The following EP400 variants were observed in gnomAD, a reference collection of about 807,000 sequenced individuals.
The protein encoded by EP400 is E1A-binding protein p400.
Under a neutral mutation model 354.1 loss-of-function variants are expected in EP400, and 105 were observed. The ratio of observed to expected loss-of-function variants is 0.30; its 90% confidence interval spans 0.25 to 0.35. The LOEUF (loss-of-function observed/expected upper bound fraction) is 0.35, where lower values mean the gene tolerates loss of function less well. Among genes scored for constraint, EP400 ranks in the 10% least tolerant of loss-of-function variants. The pLI is 1.00. For synonymous variants in EP400, 1,646 were observed against 1,716.9 expected (o/e 0.96, Z 1.02); for missense variants, 3,280 against 4,121.0 (o/e 0.80, Z 5.59).
At position 132,045,571 on chromosome 12, in the gene EP400, G is replaced by A. The variant is rs373780820; in HGVS notation, c.7026+11G>A. 1.7e-5 allele frequency: 28 copies of A among 1,613,074 alleles called. No homozygotes were observed. The highest frequency in any genetic ancestry group is 5.3e-5 in the African/African-American group (4 of 74,908). The stretch of plus-strand genomic sequence containing the variant: ...TGGGCGCTGCTGCAGGTAGGTGGGC[G>A]TGGTCTTTGTGCCAGCGGTCATGTG... On this transcript the variant is annotated intron_variant, in intron 38 of 52. Coordinates refer to ENST00000389561, the MANE Select transcript of EP400 (RefSeq NM_015409.5).
At chr12:132,076,426 C>A in intron 51 of EP400, 90 bp from the exon 52 acceptor site, 1 of 1,295,188 alleles carries the variant, frequency 7.7e-7, no homozygotes, top group Non-Finnish European at 1.1e-6. Flanking sequence ...GTGTTTTTTG[C>A]ATTAACTGAG....
intron 1 of EP400, among the ~76,000 whole-genome samples, chr12:131,950,739 C>T (rs76577176): frequency 0.014 from 2,178 of 152,294 alleles, 43 homozygotes; most frequent in African/African-American, 0.047. Flanking sequence ...AGAAAAGTAA[C>T]GTATCCCAGT....
Position 132,080,164 on chromosome 12 carries a change from A to C in EP400, c.*2491A>C, listed in dbSNP as rs1896338021. On this transcript the variant is annotated 3_prime_UTR_variant, in exon 53 of 53. Coordinates refer to ENST00000389561, the MANE Select transcript of EP400 (RefSeq NM_015409.5). ...TTAAAGAAAGACGTTTATTCTGATGATAAAAACAGTTAGCCAGACTGTTTT... is the reference window on the plus strand; with the variant it reads ...TTAAAGAAAGACGTTTATTCTGATGCTAAAAACAGTTAGCCAGACTGTTTT... 1 of 152,312 alleles carries C rather than the reference A, an allele frequency of 6.6e-6. No homozygotes were observed. The highest frequency in any genetic ancestry group is 2.1e-4 in the South Asian group (1 of 4,830). The allele number at this position is 152,312 out of a possible 1,614,324, so 9.4% of individuals were successfully genotyped here. A position where few individuals can be genotyped will look rare whatever the true frequency, so the allele number is the denominator to read the frequency against.
chr12:131,989,837 C>A, intron 7 of EP400, 127 bp from the exon 8 acceptor site: 2 of 1,054,738 alleles, frequency 1.9e-6, no homozygotes, highest in Admixed American at 2.9e-5. Flanking sequence ...TAAGAGCATA[C>A]GAGGATGTAT....
Position 132,079,775 on chromosome 12 carries a change from A to G in EP400, c.*2102A>G, listed in dbSNP as rs1896329473. 1 of 152,220 alleles carries G rather than the reference A, an allele frequency of 6.6e-6. No homozygotes were observed. The allele number at this position is 152,220 out of a possible 1,614,324, so 9.4% of individuals were successfully genotyped here. ...GTCAGTGAGGGTCTCCTGTCTCTCA[A>G]GTGTGTTTCCTTTGGCTGTTCCCTA... On this transcript the variant is annotated 3_prime_UTR_variant, in exon 53 of 53. Transcript: ENST00000389561.
intron 1 of EP400, among the ~76,000 whole-genome samples, chr12:131,952,439 G>A (rs1165138392): frequency 2.0e-5 from 3 of 151,736 alleles, no homozygotes; most frequent in South Asian, 2.1e-4. Flanking sequence ...GAGCCACCGC[G>A]CCCGGCCCCA....
intron 24 of EP400, among the ~76,000 whole-genome samples, chr12:132,024,717 GCTA>G (rs1894240369): frequency 6.9e-6 from 1 of 145,690 alleles, no homozygotes. Context: ...AGCCTCAGCG[GCTA>G]CCTTCCCCCA....
chr12:132,049,732 A>G (rs1895232389), intron 39 of EP400, among the ~76,000 whole-genome samples: 1 of 152,184 alleles, frequency 6.6e-6, no homozygotes, highest in East Asian at 1.9e-4. Flanking sequence ...ACTTCACAGG[A>G]TAAGGAGTTG....
rs1176641867 is a variant in EP400 at position 132,020,137 on chromosome 12, A to G, written c.4366A>G (p.Thr1456Ala). ...TCACCCGCCCCGGACGGCAGCCCCCACCACGGCCTCTGCTGCTCCACAGGG... is the reference window on the plus strand; with the variant it reads ...TCACCCGCCCCGGACGGCAGCCCCCGCCACGGCCTCTGCTGCTCCACAGGG... Reference protein sequence around the residue: ...STHPPRTAAPTTASAAPQGPL... With the variant: ...STHPPRTAAPATASAAPQGPL... The change falls in exon 22 of 53, where the codon ACC (threonine) becomes GCC (alanine). Residue 1456 changes from threonine to alanine, a missense_variant. Thr to Ala is a moderately conservative substitution (Grantham distance 58). Coordinates refer to ENST00000389561, the MANE Select transcript of EP400 (RefSeq NM_015409.5). The G allele has an allele frequency of 6.2e-7, 1 of 1,611,258 alleles. No homozygotes were observed. Among genetic ancestry groups the G allele is most frequent in the African/African-American group, 1.3e-5 (1 of 74,750 alleles).
In EP400 at chr12:132,017,190, G is replaced by A. The variant is rs924750168; in HGVS notation, c.3924-345G>A. Among the ~76,000 whole-genome samples, 53 of 152,236 alleles carry A rather than the reference G, an allele frequency of 3.5e-4. No homozygotes were observed. The highest frequency in any genetic ancestry group is 1.3e-3 in the African/African-American group (53 of 41,472). On this transcript the variant is annotated intron_variant, in intron 19 of 52. Transcript: ENST00000389561. The surrounding 1 kb of genome is among the most constrained non-coding windows in gnomAD (Gnocchi z 5.0). ...CAGAGCTGCCGAGCGGGTGTGTGAG[G>A]GGCTTTACTCTGCTGCGCTCACCCT...
In EP400 at chr12:132,005,118, G is replaced by GA; in HGVS notation, c.2869_2870insA (p.Ala957AspfsTer14). On this transcript the variant is annotated frameshift_variant, in exon 13 of 53. Transcript: ENST00000389561. LOFTEE classifies it high-confidence loss of function. Reference sequence around the variant, plus strand: ...GGACCTGATGAAGCTGTACGAAGGCGCCTTCCTGCCGAGTTCTCAGTGGCC... The same window carrying GA: ...GGACCTGATGAAGCTGTACGAAGGCGACCTTCCTGCCGAGTTCTCAGTGGCC... 1 of 1,589,780 alleles carries GA rather than the reference G, an allele frequency of 6.3e-7. No individual in the cohort carries two copies. The highest frequency in any genetic ancestry group is 8.6e-7 in the Non-Finnish European group (1 of 1,168,426).
At chr12:131,995,393 G>A (rs555194279) in intron 12 of EP400, among the ~76,000 whole-genome samples, 11 of 150,928 alleles carry the variant, frequency 7.3e-5, no homozygotes, top group South Asian at 4.3e-4. Context: ...TGAATGTACC[G>A]TTCATCCTGA....
chr12:131,961,824 A>G lies in EP400; in HGVS notation c.1205A>G (p.Asp402Gly), dbSNP rs1891892434. ...FLQHFQGNMMDFLAFKKKHYA... is the reference protein window; with the variant it reads ...FLQHFQGNMMGFLAFKKKHYA... ...CAACACTTTCAAGGGAACATGATGG[A>G]TTTCTTAGCTTTCAAGAAGAAACAT... Residue 402 changes from aspartate (D) to glycine (G), a missense_variant, in exon 2 of 53, where the codon GAT becomes GGT. By Grantham distance (94) the Asp-to-Gly change is moderately conservative (BLOSUM62 -1). Transcript: ENST00000389561. The G allele has an allele frequency of 6.2e-7, 1 of 1,614,068 alleles. No homozygotes were observed.
chr12:132,013,024 A>G lies in EP400; in HGVS notation c.3457A>G (p.Asn1153Asp). The G allele has an allele frequency of 6.2e-7, 1 of 1,612,244 alleles. No homozygotes were observed. The stretch of plus-strand genomic sequence containing the variant: ...TGTGCTGCAGGAGTGGGCCGAACCC[A>G]ACAGCTTCCACGTCTGCATCACGTC... ...KAKRQEWAEP[N>D]SFHVCITSYT... The change falls in exon 17 of 53, where the codon AAC (asparagine) becomes GAC (aspartate). Residue 1153 changes from asparagine to aspartate, a missense_variant. Asn to Asp is a conservative substitution (Grantham distance 23, BLOSUM62 1). This residue lies in a region of EP400 where 242 missense variants were observed against 357.9 expected (regional missense o/e 0.68). Transcript: ENST00000389561. The surrounding 1 kb of genome is among the most constrained non-coding windows in gnomAD (Gnocchi z 4.5).
chr12:131,987,957 AAGT>A (rs1209468897), intron 7 of EP400, 67 bp downstream of exon 7: 17 of 1,236,680 alleles, frequency 1.4e-5, no homozygotes, highest in Non-Finnish European at 1.8e-5. Context: ...GCAGTGGTGT[AAGT>A]GGTGGGGAGG....
Position 131,995,420 on chromosome 12 carries a change from T to C in EP400, c.2827+464T>C, listed in dbSNP as rs1009104911. 9.4e-5 allele frequency among the ~76,000 whole-genome samples: 14 copies of C among 149,014 alleles called. No individual in the cohort carries two copies. The South Asian group carries it at 1.3e-3, about 14-fold the overall frequency. The stretch of plus-strand genomic sequence containing the variant: ...TCATCCTGAGTGTGTGAGAACTTCA[T>C]GTGAATGAATCCACCACAGCTTGAC... On this transcript the variant is annotated intron_variant, in intron 12 of 52. Coordinates refer to ENST00000389561, the MANE Select transcript of EP400 (RefSeq NM_015409.5).
chr12:132,046,996 G>A (rs1426046881), intron 39 of EP400, among the ~76,000 whole-genome samples: 3 of 152,252 alleles, frequency 2.0e-5, no homozygotes, highest in Non-Finnish European at 4.4e-5. Flanking sequence ...TATAGTAGAG[G>A]CAGGCATCCA....
chr12:132,021,405 C>T (rs937689224), intron 23 of EP400, 84 bp downstream of exon 23: 1 of 1,422,704 alleles, frequency 7.0e-7, no homozygotes, highest in African/African-American at 1.5e-5. Context: ...TAGGAGGAGC[C>T]TTGCTGTCCA....
intron 1 of EP400, among the ~76,000 whole-genome samples, chr12:131,950,391 C>T (rs1593302583): frequency 1.3e-5 from 2 of 152,312 alleles, no homozygotes; most frequent in South Asian, 2.1e-4. Flanking sequence ...CCTCCTGGTT[C>T]TCGGGGCTGA....
Sources: allele counts gnomAD v4.1 joint callset (sites outside exome capture counted in the v4.1 genomes callset), GRCh38; gene constraint gnomAD v4.1.1; regional missense constraint gnomAD v4.1.1; non-coding constraint Gnocchi (gnomAD v3.1); transcripts MANE v1.5; gene names NCBI Gene and HGNC (gene_info 2026-07-23, HGNC 2026-07-21).